Variants in CSMD1 observed in about 807,000 individuals in gnomAD.
The protein encoded by CSMD1 is CUB and sushi domain-containing protein 1.
In CSMD1, 213 loss-of-function variants were observed where a neutral mutation model predicts 417.5. The ratio of observed to expected loss-of-function variants is 0.51; its 90% CI spans 0.46 to 0.57. The LOEUF is 0.57. Among genes scored for constraint, CSMD1 ranks in the 20% least tolerant of loss-of-function variants. The pLI is 0.00. For synonymous variants in CSMD1, 2,862 were observed against 1,736.8 expected (o/e 1.65, Z -16.11); for missense variants, 6,923 against 4,529.7 (o/e 1.53, Z -15.17).
chr8:3,821,196 G>A (rs911750013), intron 5 of CSMD1, among the ~76,000 whole-genome samples: 3 of 152,142 alleles, frequency 2.0e-5, no homozygotes, highest in Non-Finnish European at 4.4e-5. Context: ...GGGATTACAG[G>A]TGTGAACCAC....
chr8:4,763,560 C>T (rs533966216), intron 1 of CSMD1, among the ~76,000 whole-genome samples: 1 of 152,106 alleles, frequency 6.6e-6, no homozygotes, highest in African/African-American at 2.4e-5. Flanking sequence ...AAGAGCAGAT[C>T]TATTGTCTTA....
intron 26 of CSMD1, among the ~76,000 whole-genome samples, chr8:3,240,249 C>G (rs1454914068): frequency 1.3e-5 from 2 of 151,978 alleles, no homozygotes; most frequent in African/African-American, 2.4e-5. Flanking sequence ...ACAGGGAGAG[C>G]TAGGATGGGG....
chr8:4,596,221 A>G (rs554585065), intron 2 of CSMD1, among the ~76,000 whole-genome samples: 2 of 152,302 alleles, frequency 1.3e-5, no homozygotes, highest in Non-Finnish European at 2.9e-5. Flanking sequence ...AGAACTTGAT[A>G]GGTTAAAAAA....
rs1563163205 is a variant in CSMD1, at chr8:2,937,463, A to AAAC, written c.*1121_*1122insGTT. The AAAC allele has an allele frequency of 1.2e-4, 18 of 148,182 alleles. No homozygotes were observed. In the East Asian group the frequency reaches 2.6e-3, roughly 22 times the overall value. 9.2% of individuals were successfully genotyped at this position (148,182 alleles called of 1,614,324 possible). A position where few individuals can be genotyped will look rare whatever the true frequency, so the allele number is the denominator to read the frequency against. On this transcript the variant is annotated 3_prime_UTR_variant, in exon 70 of 70. Transcript: ENST00000635120. ...AAAAAAAAAAAAAAACAAAAAAAAA[A>AAAC]CACTGCAAAAGGGAAGGCTGCATTG... is the stretch of plus-strand genomic sequence containing the variant.
intron 1 of CSMD1, among the ~76,000 whole-genome samples, chr8:4,662,066 T>C (rs1195274630): frequency 6.6e-6 from 1 of 152,182 alleles, no homozygotes; most frequent in Non-Finnish European, 1.5e-5. Flanking sequence ...TGAGACATTA[T>C]ATTAAGATAA....
chr8:4,595,686 G>T (rs61633895), intron 2 of CSMD1, among the ~76,000 whole-genome samples: 378 of 152,252 alleles, frequency 2.5e-3, no homozygotes, highest in African/African-American at 8.8e-3. Context: ...AGGATCCCTT[G>T]AACTCAGGAG....
intron 3 of CSMD1, among the ~76,000 whole-genome samples, chr8:4,196,223 A>C (rs1268393976): frequency 6.6e-6 from 1 of 152,162 alleles, no homozygotes. Flanking sequence ...AAATAAATAA[A>C]TAAATAAATA....
At chr8:3,354,684 T>G (rs2117679008) in intron 21 of CSMD1, among the ~76,000 whole-genome samples, 1 of 152,024 alleles carries the variant, frequency 6.6e-6, no homozygotes, top group Admixed American at 6.6e-5. Flanking sequence ...GATTAGCTTT[T>G]AAGAAGCAAC....
chr8:3,720,756 G>C (rs149274329), intron 6 of CSMD1, among the ~76,000 whole-genome samples: 2 of 152,108 alleles, frequency 1.3e-5, no homozygotes, highest in South Asian at 4.1e-4. Flanking sequence ...GAGCAAAGCT[G>C]TAACACCTTC....
chr8:4,036,237 T>C (rs1797610340), intron 3 of CSMD1, among the ~76,000 whole-genome samples: 1 of 152,196 alleles, frequency 6.6e-6, no homozygotes, highest in Admixed American at 6.5e-5. Flanking sequence ...TGCATCCCAG[T>C]TGTTAAGTCA....
At chr8:3,493,193 G>C (rs1483611675) in intron 11 of CSMD1, among the ~76,000 whole-genome samples, 7 of 151,302 alleles carry the variant, frequency 4.6e-5, no homozygotes, top group Admixed American at 2.0e-4. Flanking sequence ...ACTCAGGAGG[G>C]TGAGGCAGGT....
rs1350274101 is a variant in CSMD1, at chr8:3,331,738, T to A, written c.3631+11556A>T. On this transcript the variant is annotated intron_variant, in intron 23 of 69. Coordinates refer to ENST00000635120, the MANE Select transcript of CSMD1 (RefSeq NM_033225.6). The stretch of plus-strand genomic sequence containing the variant: ...CTTGCGTATGTACCTGGAATGAACT[T>A]GGTATCTGACCTTCAGGGCTTCATG... Among the ~76,000 whole-genome samples the A allele has an allele frequency of 2.0e-5, 3 of 152,242 alleles. No individual in the cohort carries two copies. The East Asian group carries it at 5.8e-4, about 29-fold the overall frequency.
intron 5 of CSMD1, among the ~76,000 whole-genome samples, chr8:3,784,626 T>G (rs1373124850): frequency 6.6e-6 from 1 of 152,158 alleles, no homozygotes; most frequent in Non-Finnish European, 1.5e-5. Context: ...GAAAAATGAA[T>G]AAATCAATAA....
chr8:4,330,989 TTG>T (rs1325158300), intron 3 of CSMD1, among the ~76,000 whole-genome samples: 4 of 152,000 alleles, frequency 2.6e-5, no homozygotes, highest in African/African-American at 9.7e-5. Context: ...ACAGCCGCCT[TTG>T]TGTTACTGTG....
chr8:4,339,190 A>C (rs1309015672), intron 3 of CSMD1, among the ~76,000 whole-genome samples: 1 of 152,108 alleles, frequency 6.6e-6, no homozygotes, highest in Non-Finnish European at 1.5e-5. Context: ...ATCTCCTTCA[A>C]AGGAGATCTG....
chr8:3,223,945 A>G, intron 27 of CSMD1, 78 bp from the exon 28 acceptor site: 1 of 1,417,180 alleles, frequency 7.1e-7, no homozygotes, highest in Non-Finnish European at 9.7e-7. Context: ...AGGAGACACC[A>G]CAGAATTCTT....
chr8:3,444,315 G>A (rs1225036603), intron 12 of CSMD1, among the ~76,000 whole-genome samples: 3 of 152,142 alleles, frequency 2.0e-5, no homozygotes, highest in East Asian at 1.9e-4. Context: ...ATCGACTCAG[G>A]AGTCAAGAAC....
At chr8:4,629,170 ATTTG>A (rs1294897512) in intron 2 of CSMD1, among the ~76,000 whole-genome samples, 1 of 152,212 alleles carries the variant, frequency 6.6e-6, no homozygotes, top group Non-Finnish European at 1.5e-5. Flanking sequence ...TTGAATGCAT[ATTTG>A]TAGAATACAT....
At chr8:4,175,995 G>C (rs1035715824) in intron 3 of CSMD1, among the ~76,000 whole-genome samples, 2 of 152,146 alleles carry the variant, frequency 1.3e-5, no homozygotes, top group African/African-American at 4.8e-5. Flanking sequence ...CTGTCCTTGA[G>C]AGGCTAGCCC....
Sources: gnomAD v4.1 joint callset for allele counts (sites outside exome capture counted in the v4.1 genomes callset) on GRCh38, gnomAD v4.1.1 for gene constraint, MANE v1.5 for transcripts, NCBI Gene and HGNC (gene_info 2026-07-23, HGNC 2026-07-21) for gene names.